Variants in SMC6 observed in about 807,000 individuals in gnomAD.
SMC6 encodes the protein structural maintenance of chromosomes 6.
Under a neutral mutation model 142.2 loss-of-function variants are expected in SMC6, and 79 were observed. That is an observed-to-expected ratio of 0.56 (90% CI 0.46 to 0.67). The LOEUF is 0.67. SMC6 is among the 30% of genes least tolerant of loss of function. The pLI is 0.00. For missense variants in SMC6, 1,072 were observed against 1,284.0 expected, an observed-to-expected ratio of 0.83 and a Z score of 2.52; for synonymous variants, 411 against 412.4, an observed-to-expected ratio of 1.00 and a Z score of 0.04.
intron 21 of SMC6, among the ~76,000 whole-genome samples, chr2:17,697,361 A>C (rs573125384): frequency 7.9e-5 from 12 of 152,184 alleles, no homozygotes; most frequent in Non-Finnish European, 1.5e-4. Flanking sequence ...GAGTTTAGAA[A>C]GGTCACTGGA....
intron 3 of SMC6, 84 bp from the exon 4 acceptor site, chr2:17,741,813 T>G: frequency 3.7e-6 from 3 of 810,412 alleles, no homozygotes; most frequent in Non-Finnish European, 5.8e-6. Context: ...TCAGAAAGAC[T>G]AGCACCATCA....
chr2:17,668,595 T>G, intron 26 of SMC6, among the ~76,000 whole-genome samples: 1 of 152,004 alleles, frequency 6.6e-6, no homozygotes, highest in South Asian at 2.1e-4. Context: ...AGTATAAAAG[T>G]AATATATATT....
chr2:17,715,002 A>G lies in SMC6; in HGVS notation c.1589T>C (p.Leu530Pro). The G allele has an allele frequency of 6.2e-7, 1 of 1,614,076 alleles. No individual in the cohort carries two copies. Among genetic ancestry groups the G allele is most frequent in the Non-Finnish European group, 8.5e-7 (1 of 1,179,954 alleles). ...ATTATGGCAACAATAGGCCTGCAGA[A>G]GCCCTTTTAAGCAAGATTCAATAGC... ...ALAIESCLKG[L>P]LQAYCCHNHA... The change falls in exon 16 of 28, where the codon CTT (leucine) becomes CCT (proline). Residue 530 changes from leucine (L) to proline (P), a missense_variant. Coordinates refer to ENST00000448223, the MANE Select transcript of SMC6 (RefSeq NM_001142286.2).
chr2:17,720,648 G>A (rs552927283), intron 11 of SMC6, among the ~76,000 whole-genome samples: 1 of 152,110 alleles, frequency 6.6e-6, no homozygotes, highest in Non-Finnish European at 1.5e-5. Context: ...AAGAGTAAAA[G>A]CTTCATGCTC....
Position 17,717,983 on chromosome 2 carries a change from C to CA in SMC6, c.1092+93dup, listed in dbSNP as rs555456026. ...CCTGGGTGACAGAGCAAGACTATTT[C>CA]AAAAAAAATAAAATATAATAAAAAA... On this transcript the variant is annotated intron_variant, in intron 12 of 27. Transcript: ENST00000448223. 1.4e-4 allele frequency: 179 copies of CA among 1,305,394 alleles called. No individual in the cohort carries two copies. The South Asian group carries it at 1.6e-3, about 11-fold the overall frequency. The allele number at this position is 1,305,394 out of a possible 1,614,324, so 80.9% of individuals were successfully genotyped here.
At chr2:17,735,736 T>C (rs1670121140) in intron 5 of SMC6, among the ~76,000 whole-genome samples, 1 of 152,212 alleles carries the variant, frequency 6.6e-6, no homozygotes, top group Non-Finnish European at 1.5e-5. Context: ...TCAGTCCCTG[T>C]GTCACTGCAA....
rs753612239 is a variant in SMC6 at position 17,703,170 on chromosome 2, T to A, written c.2129A>T (p.Tyr710Phe). 6.9e-7 allele frequency: 1 copy of A among 1,449,614 alleles called. No homozygotes were observed. The highest frequency in any genetic ancestry group is 9.5e-7 in the Non-Finnish European group (1 of 1,051,442). The allele number at this position is 1,449,614 out of a possible 1,614,324, so 89.8% of individuals were successfully genotyped here. Residue 710 changes from tyrosine (Y) to phenylalanine (F), a missense_variant, in exon 19 of 28, where the codon TAT (tyrosine) becomes TTT (phenylalanine). Physicochemically the swap from Tyr to Phe is conservative, Grantham distance 22. Transcript: ENST00000448223. ...EELLKRCQLH[Y>F]KELKMKIRKN... is the part of the protein sequence containing the mutation. ...TTATTTTTTTACCTTTAGTTCTTTA[T>A]AATGTAGTTGGCACCTTTTAAGAAG...
rs889608984 is a variant in SMC6, at chr2:17,739,834, A to G, written c.239-1508T>C. Among the ~76,000 whole-genome samples, 11 of 118,894 alleles carry G rather than the reference A, an allele frequency of 9.3e-5. 1 individual carries two copies. The highest frequency in any genetic ancestry group is 4.2e-4 in the African/African-American group (11 of 26,144). 78.0% of individuals were successfully genotyped at this position (118,894 alleles called of 152,430 possible). On this transcript the variant is annotated intron_variant, in intron 4 of 27. Transcript: ENST00000448223. ...CCTTTCTCTTTAAACACACACACAC[A>G]CACACACACAGACACACACACACAC...
rs373244925 is a variant in SMC6, at chr2:17,721,305, G to T, written c.727-44C>A. 7.3e-6 allele frequency: 11 copies of T among 1,497,350 alleles called. No homozygotes were observed. The African/African-American group carries it at 1.6e-4, about 21-fold the overall frequency. 92.8% of individuals were successfully genotyped at this position (1,497,350 alleles called of 1,614,324 possible). On this transcript the variant is annotated intron_variant, in intron 9 of 27. Coordinates refer to ENST00000448223, the MANE Select transcript of SMC6 (RefSeq NM_001142286.2). ...AACGGACGTATTTTTTATTAATGTT[G>T]AAAAAACACATTTTTGCAAATCTAT...
chr2:17,680,783 C>A lies in SMC6; in HGVS notation c.2805-1819G>T, dbSNP rs187676814. 1.5e-3 allele frequency: 226 copies of A among 152,240 alleles called. 1 individual carries two copies. Among genetic ancestry groups the A allele is most frequent in the African/African-American group, 4.9e-3 (202 of 41,546 alleles). The allele number at this position is 152,240 out of a possible 1,614,324, so 9.4% of individuals were successfully genotyped here. On this transcript the variant is annotated intron_variant, in intron 24 of 27. Transcript: ENST00000448223. ...TGTGCTCTCATCAGGCTTTGTTTTTCCATTTGTAGAGCACATACAAAGTAG... is the reference window on the plus strand; with the variant it reads ...TGTGCTCTCATCAGGCTTTGTTTTTACATTTGTAGAGCACATACAAAGTAG...
intron 7 of SMC6, among the ~76,000 whole-genome samples, chr2:17,728,129 C>T (rs974259462): frequency 1.3e-5 from 2 of 152,148 alleles, no homozygotes; most frequent in African/African-American, 4.8e-5. Flanking sequence ...TTGTTATACT[C>T]CTCTTGGGAT....
intron 16 of SMC6, among the ~76,000 whole-genome samples, chr2:17,712,147 G>A (rs1238164938): frequency 1.3e-5 from 2 of 152,180 alleles, no homozygotes; most frequent in African/African-American, 4.8e-5. Context: ...ATGCTTGAGA[G>A]AAGGTAAATA....
chr2:17,727,996 G>T (rs567892194), intron 7 of SMC6, among the ~76,000 whole-genome samples: 160 of 152,092 alleles, frequency 1.1e-3, no homozygotes, highest in Non-Finnish European at 2.0e-3. Context: ...CTTCTTAATA[G>T]ACCTAATGCA....
chr2:17,730,597 TA>T (rs1173338449), intron 7 of SMC6, among the ~76,000 whole-genome samples: 24 of 144,636 alleles, frequency 1.7e-4, no homozygotes, highest in African/African-American at 6.3e-4. Flanking sequence ...GTTGAATTAA[TA>T]AATTCTTTTT....
chr2:17,696,952 A>G (rs1668032173), intron 21 of SMC6, among the ~76,000 whole-genome samples: 1 of 152,166 alleles, frequency 6.6e-6, no homozygotes, highest in South Asian at 2.1e-4. Flanking sequence ...CACGGCCACC[A>G]CTGGAAAAAT....
At chr2:17,742,846 A>G (rs944514367) in intron 3 of SMC6, among the ~76,000 whole-genome samples, 2 of 152,218 alleles carry the variant, frequency 1.3e-5, no homozygotes, top group Admixed American at 1.3e-4. Context: ...CTAAAGTACA[A>G]TATCACAACC....
At chr2:17,747,988 G>C (rs1033091425) in intron 2 of SMC6, among the ~76,000 whole-genome samples, 1 of 152,176 alleles carries the variant, frequency 6.6e-6, no homozygotes, top group Non-Finnish European at 1.5e-5. Flanking sequence ...TAGATCCCTT[G>C]CAAGAGTCTC....
intron 21 of SMC6, 90 bp from the exon 22 acceptor site, chr2:17,696,516 G>T: frequency 7.4e-7 from 1 of 1,359,836 alleles, no homozygotes; most frequent in Non-Finnish European, 1.0e-6. Flanking sequence ...AAGTGGCTAG[G>T]ATTATGCTGT....
chr2:17,691,350 CTGTGTGTGTG>C (rs146685442), intron 23 of SMC6, among the ~76,000 whole-genome samples: 1 of 139,896 alleles, frequency 7.1e-6, no homozygotes, highest in Non-Finnish European at 1.6e-5. Context: ...GTGTGTGTGT[CTGTGTGTGTG>C]TGTGTGTATA....
Sources: allele counts gnomAD v4.1 joint callset (sites outside exome capture counted in the v4.1 genomes callset), GRCh38; gene constraint gnomAD v4.1.1; transcripts MANE v1.5; gene names NCBI Gene and HGNC (gene_info 2026-07-23, HGNC 2026-07-21).